Variants in EZH2 observed in about 807,000 individuals in gnomAD.
The protein encoded by EZH2 is enhancer of zeste 2 polycomb repressive complex 2 subunit, also known as histone-lysine N-methyltransferase EZH2.
In EZH2, 18 loss-of-function variants were observed where a neutral mutation model predicts 98.4. The ratio of observed to expected loss-of-function variants is 0.18; its 90% CI spans 0.13 to 0.27. EZH2 has a LOEUF of 0.27. EZH2 is among the 10% of genes least tolerant of loss of function. EZH2 has a pLI of 1.00. For missense variants in EZH2, 470 were observed against 935.1 expected (o/e 0.50, Z 6.49); for synonymous variants, 338 against 312.3 (o/e 1.08, Z -0.87).
At chr7:148,825,537 A>C (rs548605439) in intron 8 of EZH2, among the ~76,000 whole-genome samples, 64 of 152,290 alleles carry the variant, frequency 4.2e-4, no homozygotes, top group African/African-American at 1.4e-3. Flanking sequence ...TAGAGCAAAC[A>C]CTTAGGAGGA....
intron 10 of EZH2, 78 bp downstream of exon 10, chr7:148,817,799 C>G: frequency 6.4e-7 from 1 of 1,570,758 alleles, no homozygotes; most frequent in Non-Finnish European, 8.7e-7. Context: ...GAAAATTATT[C>G]AATGCATTAT....
chr7:148,819,971 T>A (rs1230975999), intron 8 of EZH2, among the ~76,000 whole-genome samples: 1 of 152,202 alleles, frequency 6.6e-6, no homozygotes, highest in Non-Finnish European at 1.5e-5. Context: ...ATAACTATGG[T>A]TATAAACATT....
chr7:148,852,835 C>T (rs1031035257), intron 1 of EZH2, among the ~76,000 whole-genome samples: 8 of 152,054 alleles, frequency 5.3e-5, no homozygotes, highest in African/African-American at 9.7e-5. Flanking sequence ...ATCTCAGATA[C>T]GTATTTATTA....
chr7:148,830,656 A>G (rs1280570885), intron 4 of EZH2, among the ~76,000 whole-genome samples: 1 of 152,260 alleles, frequency 6.6e-6, no homozygotes, highest in African/African-American at 2.4e-5. Flanking sequence ...AATGAGATGA[A>G]TATCAAAGTT....
rs372792488 is a variant in EZH2 at position 148,808,635 on chromosome 7, ATAAG to A, written c.2195+432_2195+435del. Among the ~76,000 whole-genome samples the A allele has an allele frequency of 3.7e-4, 57 of 152,356 alleles. No individual in the cohort carries two copies. In the East Asian group the frequency reaches 8.3e-3, roughly 22 times the overall value. On this transcript the variant is annotated intron_variant, in intron 19 of 19. Coordinates refer to ENST00000320356, the MANE Select transcript of EZH2 (RefSeq NM_004456.5). Reference sequence around the variant, plus strand: ...TTTTAAAATGGTAATGATATGTGTAATAAGTATTATAGCAAACAATAAATTAAGT... The same window carrying A: ...TTTTAAAATGGTAATGATATGTGTAATATTATAGCAAACAATAAATTAAGT...
rs765595441 is a variant in EZH2 at position 148,807,622 on chromosome 7, G to A, written c.*24C>T. ...CTGAAGCTAAGGCAGCTGTTTCAGA[G>A]GAGGGGGGAGGAGGTAGCAGATGTC... On this transcript the variant is annotated 3_prime_UTR_variant, in exon 20 of 20. Coordinates refer to ENST00000320356, the MANE Select transcript of EZH2 (RefSeq NM_004456.5). 23 of 1,489,364 alleles carry A rather than the reference G, an allele frequency of 1.5e-5. No homozygotes were observed. The allele number at this position is 1,489,364 out of a possible 1,614,324, so 92.3% of individuals were successfully genotyped here.
intron 13 of EZH2, 93 bp downstream of exon 13, chr7:148,815,413 A>C (rs1217647400): frequency 7.6e-7 from 1 of 1,323,998 alleles, no homozygotes; most frequent in Admixed American, 1.7e-5. Flanking sequence ...ATATTAGAAT[A>C]ACCCAAGCTC....
intron 14 of EZH2, 79 bp downstream of exon 14, chr7:148,814,833 TTC>T (rs1804130487): frequency 6.7e-6 from 10 of 1,502,752 alleles, no homozygotes; most frequent in Non-Finnish European, 6.3e-6. Context: ...TGCTCCCATG[TTC>T]TTATTTTTGA....
chr7:148,836,339 GTAAC>G lies in EZH2; in HGVS notation c.247-3593_247-3590del, dbSNP rs1204153916. ...CCTATCCCATTCTTTACTATTAACCGTAACTAACAACCATATTCCTTTCATTTAT... is the reference window on the plus strand; with the variant it reads ...CCTATCCCATTCTTTACTATTAACCGTAACAACCATATTCCTTTCATTTAT... On this transcript the variant is annotated intron_variant, in intron 3 of 19. Coordinates refer to ENST00000320356, the MANE Select transcript of EZH2 (RefSeq NM_004456.5). 5.9e-5 allele frequency among the ~76,000 whole-genome samples: 9 copies of G among 152,126 alleles called. No individual in the cohort carries two copies. The East Asian group carries it at 1.5e-3, about 26-fold the overall frequency.
intron 1 of EZH2, among the ~76,000 whole-genome samples, chr7:148,847,924 G>A (rs914346964): frequency 2.6e-4 from 40 of 152,198 alleles, no homozygotes; most frequent in African/African-American, 8.2e-4. Context: ...AGCGAAAAGA[G>A]GAATGCAGGA....
At chr7:148,859,382 T>C (rs1288605430) in intron 1 of EZH2, among the ~76,000 whole-genome samples, 1 of 152,056 alleles carries the variant, frequency 6.6e-6, no homozygotes, top group South Asian at 2.1e-4. Flanking sequence ...GGCACACACC[T>C]GTAGTCCCGG....
intron 1 of EZH2, among the ~76,000 whole-genome samples, chr7:148,878,093 GATAT>G (rs981724302): frequency 7.2e-5 from 11 of 152,150 alleles, no homozygotes; most frequent in African/African-American, 2.7e-4. Flanking sequence ...TATAGAGAGA[GATAT>G]ATATAGATAC....
At chr7:148,825,355 T>C (rs1050171270) in intron 8 of EZH2, among the ~76,000 whole-genome samples, 2 of 152,208 alleles carry the variant, frequency 1.3e-5, no homozygotes, top group African/African-American at 4.8e-5. Flanking sequence ...GATGAGGAGT[T>C]AGAACAAGAG....
At chr7:148,851,068 A>T (rs1815634323) in intron 1 of EZH2, among the ~76,000 whole-genome samples, 2 of 152,202 alleles carry the variant, frequency 1.3e-5, no homozygotes, top group South Asian at 4.1e-4. Context: ...AAAAACAAGC[A>T]AACAAACAGG....
Position 148,857,317 on chromosome 7 carries a change from A to G in EZH2, c.-7-10012T>C, listed in dbSNP as rs79843217. On this transcript the variant is annotated intron_variant, in intron 1 of 19. Transcript: ENST00000320356. ...GTATCTTGGATTGGATCCTGAAACC[A>G]ACCAACCAACCAACCAAAGAAAGAC... Among the ~76,000 whole-genome samples, 192 of 152,344 alleles carry G rather than the reference A, an allele frequency of 1.3e-3. 1 individual carries two copies. Among genetic ancestry groups the G allele is most frequent in the African/African-American group, 4.5e-3 (189 of 41,574 alleles).
chr7:148,835,362 G>T (rs1334531507), intron 3 of EZH2, among the ~76,000 whole-genome samples: 1 of 151,152 alleles, frequency 6.6e-6, no homozygotes, highest in African/African-American at 2.4e-5. Context: ...GGCAAAGGCT[G>T]CAGTAAGTTG....
chr7:148,813,296 A>G (rs1174716800), intron 15 of EZH2, among the ~76,000 whole-genome samples: 1 of 151,274 alleles, frequency 6.6e-6, no homozygotes, highest in Admixed American at 6.6e-5. Flanking sequence ...TATTATAAAA[A>G]GAACTGACTG....
chr7:148,857,574 A>C (rs1563050619), intron 1 of EZH2, among the ~76,000 whole-genome samples: 1 of 152,060 alleles, frequency 6.6e-6, no homozygotes, highest in Non-Finnish European at 1.5e-5. Context: ...AATATGGTGA[A>C]ACCCAGTCTC....
chr7:148,820,707 T>G (rs1805811643), intron 8 of EZH2, among the ~76,000 whole-genome samples: 1 of 152,166 alleles, frequency 6.6e-6, no homozygotes, highest in Non-Finnish European at 1.5e-5. Context: ...AATACAACTG[T>G]TTTTCTGTTT....
Sources: gnomAD v4.1 joint callset for allele counts (sites outside exome capture counted in the v4.1 genomes callset) on GRCh38, gnomAD v4.1.1 for gene constraint, MANE v1.5 for transcripts, NCBI Gene and HGNC (gene_info 2026-07-23, HGNC 2026-07-21) for gene names.